PARD3: variants seen among roughly 807,000 people sequenced by gnomAD.
PARD3 encodes the protein par-3 family cell polarity regulator, also known as partitioning defective 3 homolog.
Under a neutral mutation model 155.4 loss-of-function variants are expected in PARD3, and 75 were observed. The observed-to-expected ratio is 0.48, with a 90% CI of 0.40 to 0.58. PARD3 has a LOEUF of 0.58. Among genes scored for constraint, PARD3 ranks in the 20% least tolerant of loss-of-function variants. The pLI is 0.00. For missense variants in PARD3, 1,642 were observed against 1,721.7 expected (o/e 0.95, Z 0.82); for synonymous variants, 576 against 610.5 (o/e 0.94, Z 0.83).
chr10:34,146,025 G>A (rs948865503), intron 22 of PARD3, among the ~76,000 whole-genome samples: 2 of 152,090 alleles, frequency 1.3e-5, no homozygotes, highest in African/African-American at 2.4e-5. Flanking sequence ...TCTTTGGTGC[G>A]GGGTGCATAA....
intron 20 of PARD3, among the ~76,000 whole-genome samples, chr10:34,301,476 G>C (rs1244980655): frequency 6.6e-6 from 1 of 152,030 alleles, no homozygotes; most frequent in East Asian, 1.9e-4. Context: ...CCTGCCCTGA[G>C]CGCCAGTGAT....
At chr10:34,143,649 T>C (rs1176478162) in intron 22 of PARD3, among the ~76,000 whole-genome samples, 2 of 152,202 alleles carry the variant, frequency 1.3e-5, no homozygotes, top group Admixed American at 6.5e-5. Context: ...CATGTCATAA[T>C]TCTAAATCAT....
At chr10:34,296,621 T>G (rs1468831329) in intron 20 of PARD3, among the ~76,000 whole-genome samples, 1 of 152,218 alleles carries the variant, frequency 6.6e-6, no homozygotes. Flanking sequence ...TACGTGGATG[T>G]GGGAAATGTA....
At chr10:34,577,423 C>T (rs906860859) in intron 2 of PARD3, among the ~76,000 whole-genome samples, 1 of 152,230 alleles carries the variant, frequency 6.6e-6, no homozygotes, top group Admixed American at 6.5e-5. Context: ...ATTAGCATCT[C>T]TGCCCAAGAG....
intron 15 of PARD3, chr10:34,345,834 T>G: frequency 1.0e-6 from 1 of 985,186 alleles, no homozygotes; most frequent in Non-Finnish European, 1.2e-6. Flanking sequence ...AAATTGCATT[T>G]GATTCTTACG....
intron 22 of PARD3, among the ~76,000 whole-genome samples, chr10:34,263,712 T>C (rs1218015366): frequency 2.0e-5 from 3 of 152,186 alleles, no homozygotes; most frequent in African/African-American, 7.2e-5. Flanking sequence ...GTTCATTCTC[T>C]TGTACGTTAC....
chr10:34,750,492 C>G, intron 1 of PARD3, among the ~76,000 whole-genome samples: 1 of 151,102 alleles, frequency 6.6e-6, no homozygotes, highest in East Asian at 1.9e-4. Flanking sequence ...CACACACACA[C>G]ACACACACAC....
At chr10:34,794,353 T>C (rs541721051) in intron 1 of PARD3, among the ~76,000 whole-genome samples, 1 of 152,380 alleles carries the variant, frequency 6.6e-6, no homozygotes, top group East Asian at 1.9e-4. Context: ...GAAAAATAAC[T>C]GACTCTTCTT....
At chr10:34,469,211 A>G (rs1175291603) in intron 4 of PARD3, among the ~76,000 whole-genome samples, 1 of 152,154 alleles carries the variant, frequency 6.6e-6, no homozygotes, top group Non-Finnish European at 1.5e-5. Flanking sequence ...CCTGGGTTCA[A>G]GCGATTATTG....
intron 22 of PARD3, among the ~76,000 whole-genome samples, chr10:34,157,173 T>A (rs1465604171): frequency 6.6e-6 from 1 of 152,020 alleles, no homozygotes; most frequent in African/African-American, 2.4e-5. Flanking sequence ...AAGACAAGGG[T>A]GATGCGGGGG....
intron 22 of PARD3, among the ~76,000 whole-genome samples, chr10:34,148,981 G>A (rs181843936): frequency 1.3e-5 from 2 of 152,148 alleles, no homozygotes; most frequent in Admixed American, 1.3e-4. Flanking sequence ...AGAAACCGTT[G>A]ATCATGACAC....
At position 34,355,951 on chromosome 10, in the gene PARD3, ACAAAACC is replaced by A. The variant is rs1328113078; in HGVS notation, c.2067+3189_2067+3195del. On this transcript the variant is annotated intron_variant, in intron 14 of 24. Coordinates refer to ENST00000374788, the MANE Select transcript of PARD3 (RefSeq NM_001184785.2). The stretch of plus-strand genomic sequence containing the variant: ...AAAAAAAAAAAAAAAAAAAAACAAA[ACAAAACC>A]AAACAAAAAAACAGACAACAGACCC... 9.4e-3 allele frequency among the ~76,000 whole-genome samples: 1,198 copies of A among 127,722 alleles called. 40 individuals are homozygous for A. Among genetic ancestry groups the A allele is most frequent in the African/African-American group, 0.043 (1,083 of 25,412 alleles). The allele number at this position is 127,722 out of a possible 152,430, so 83.8% of individuals were successfully genotyped here. A position where few individuals can be genotyped will look rare whatever the true frequency, so the allele number is the denominator to read the frequency against.
At chr10:34,588,659 G>A (rs2088337500) in intron 2 of PARD3, among the ~76,000 whole-genome samples, 2 of 152,116 alleles carry the variant, frequency 1.3e-5, no homozygotes, top group Non-Finnish European at 1.5e-5. Flanking sequence ...TTGGGGCCAC[G>A]CAATAAATGT....
At chr10:34,290,561 CCTCTGCAAATGCCCAA>C (rs1306536856) in intron 20 of PARD3, among the ~76,000 whole-genome samples, 2 of 152,148 alleles carry the variant, frequency 1.3e-5, no homozygotes, top group Non-Finnish European at 2.9e-5. Flanking sequence ...AGCCACATAT[CCTCTGCAAATGCCCAA>C]CTCCTGCCCT....
At chr10:34,392,581 G>A (rs59851457) in intron 7 of PARD3, among the ~76,000 whole-genome samples, 3,443 of 152,232 alleles carry the variant, frequency 0.023, 127 homozygotes, top group African/African-American at 0.078. Flanking sequence ...TTTTCTAACT[G>A]TGAAACTTTA....
At chr10:34,196,263 A>G (rs190349135) in intron 22 of PARD3, among the ~76,000 whole-genome samples, 1 of 152,314 alleles carries the variant, frequency 6.6e-6, no homozygotes, top group African/African-American at 2.4e-5. Flanking sequence ...TTGTGACATA[A>G]TACATAATAC....
At chr10:34,193,581 A>G (rs1407051840) in intron 22 of PARD3, among the ~76,000 whole-genome samples, 3 of 152,252 alleles carry the variant, frequency 2.0e-5, no homozygotes, top group African/African-American at 7.2e-5. Flanking sequence ...GCATCTTCTC[A>G]TACAATAAGG....
At chr10:34,684,774 TACATACACACACACACACAC>T (rs2093913446) in intron 2 of PARD3, among the ~76,000 whole-genome samples, 2 of 109,132 alleles carry the variant, frequency 1.8e-5, no homozygotes, top group African/African-American at 3.6e-5. Context: ...GGCTTGATGA[TACATACACACACACACACAC>T]ACACACACAC....
intron 22 of PARD3, among the ~76,000 whole-genome samples, chr10:34,260,928 C>T (rs778765172): frequency 3.9e-5 from 6 of 152,056 alleles, no homozygotes; most frequent in African/African-American, 1.2e-4. Flanking sequence ...CTGATTTTAA[C>T]GGGAGGGGAA....
Sources: gnomAD v4.1 joint callset for allele counts (sites outside exome capture counted in the v4.1 genomes callset) on GRCh38, gnomAD v4.1.1 for gene constraint, MANE v1.5 for transcripts, NCBI Gene and HGNC (gene_info 2026-07-23, HGNC 2026-07-21) for gene names.